Variants in MYO1H observed in about 807,000 individuals in gnomAD.
MYO1H encodes myosin IH, also known as unconventional myosin-Ih.
Under a neutral mutation model 149.3 loss-of-function variants are expected in MYO1H, and 118 were observed. That is an observed-to-expected ratio of 0.79 (90% CI 0.68 to 0.92). MYO1H has a LOEUF of 0.92. MYO1H is among the 40% of genes least tolerant of loss of function. MYO1H has a pLI of 0.00. For missense variants in MYO1H, 1,212 were observed against 1,280.7 expected (o/e 0.95, Z 0.82); for synonymous variants, 447 against 465.2 (o/e 0.96, Z 0.50).
chr12:109,383,733 G>A (rs768903018), intron 1 of MYO1H, among the ~76,000 whole-genome samples: 1 of 152,224 alleles, frequency 6.6e-6, no homozygotes, highest in Non-Finnish European at 1.5e-5. Flanking sequence ...AAGGGAGTTT[G>A]TAAATGTGGG....
the MYO1H span, among the ~76,000 whole-genome samples, chr12:109,311,254 C>T: frequency 6.6e-6 from 1 of 152,136 alleles, no homozygotes; most frequent in East Asian, 1.9e-4. Flanking sequence ...AAGCAAGAAT[C>T]CTTCACTAAA....
intron 1 of MYO1H, among the ~76,000 whole-genome samples, chr12:109,348,238 G>T (rs993145116): frequency 6.6e-6 from 1 of 152,322 alleles, no homozygotes; most frequent in Non-Finnish European, 1.5e-5. Context: ...CTAGAACAGC[G>T]TGCTGTGCAA....
chr12:109,421,904 C>T (rs1418667873), intron 16 of MYO1H, among the ~76,000 whole-genome samples: 1 of 152,186 alleles, frequency 6.6e-6, no homozygotes, highest in African/African-American at 2.4e-5. Context: ...TTGCCCACTG[C>T]AGCCTCAGCC....
intron 31 of MYO1H, 98 bp downstream of exon 31, chr12:109,445,710 A>AGCT: frequency 1.4e-6 from 2 of 1,452,634 alleles, no homozygotes; most frequent in Non-Finnish European, 1.8e-6. Context: ...TGGAATCATA[A>AGCT]GCTATTAATA....
At chr12:109,334,346 G>T in the MYO1H span, among the ~76,000 whole-genome samples, 1 of 151,974 alleles carries the variant, frequency 6.6e-6, no homozygotes, top group African/African-American at 2.4e-5. Context: ...TTATTTACAT[G>T]TTGGTTGGTT....
chr12:109,314,774 C>T, the MYO1H span, among the ~76,000 whole-genome samples: 5 of 152,270 alleles, frequency 3.3e-5, no homozygotes, highest in East Asian at 9.7e-4. Flanking sequence ...AAAGGCGCTT[C>T]TCCTTGTTCT....
the MYO1H span, among the ~76,000 whole-genome samples, chr12:109,322,757 T>G: frequency 1.4e-5 from 2 of 144,478 alleles, no homozygotes; most frequent in Admixed American, 7.1e-5. Context: ...GAGGCGGAGG[T>G]TCTAGTGAGC....
chr12:109,349,077 A>G (rs1868399342), intron 1 of MYO1H, among the ~76,000 whole-genome samples: 1 of 152,216 alleles, frequency 6.6e-6, no homozygotes, highest in African/African-American at 2.4e-5. Flanking sequence ...TCAAAGTGGT[A>G]ACTCTAGGAA....
chr12:109,375,790 C>A (rs1235668195), intron 1 of MYO1H, among the ~76,000 whole-genome samples: 2 of 152,002 alleles, frequency 1.3e-5, no homozygotes, highest in African/African-American at 2.4e-5. Context: ...CAAGCCTGGG[C>A]AATATGGCAA....
chr12:109,445,093 T>A (rs1256842511), intron 30 of MYO1H, among the ~76,000 whole-genome samples: 1 of 152,192 alleles, frequency 6.6e-6, no homozygotes, highest in Non-Finnish European at 1.5e-5. Context: ...CCTGGAGAGC[T>A]GTTTCTTTTC....
At chr12:109,402,653 G>T (rs1182876368) in intron 6 of MYO1H, among the ~76,000 whole-genome samples, 1 of 152,132 alleles carries the variant, frequency 6.6e-6, no homozygotes, top group Non-Finnish European at 1.5e-5. Flanking sequence ...ATAGTGAAAA[G>T]AAAGAATCTC....
intron 28 of MYO1H, among the ~76,000 whole-genome samples, 197 bp from the exon 29 acceptor site, chr12:109,444,016 G>A (rs1378461878): frequency 6.6e-6 from 1 of 152,140 alleles, no homozygotes; most frequent in African/African-American, 2.4e-5. Context: ...CAAGTACCCA[G>A]GTTGGGCAAT....
At chr12:109,439,432 T>C (rs1872012241) in intron 23 of MYO1H, 199 bp from the exon 24 acceptor site, 1 of 477,376 alleles carries the variant, frequency 2.1e-6, no homozygotes, top group Admixed American at 3.5e-5. Context: ...TGGCAGCTAA[T>C]TAAAGCTCCT....
the MYO1H span, among the ~76,000 whole-genome samples, chr12:109,313,474 C>A: frequency 6.6e-6 from 1 of 152,116 alleles, no homozygotes; most frequent in South Asian, 2.1e-4. Context: ...CATTGATCTC[C>A]GCTGCTGTTA....
intron 21 of MYO1H, among the ~76,000 whole-genome samples, chr12:109,436,255 G>T (rs1871852870): frequency 6.6e-6 from 1 of 152,068 alleles, no homozygotes; most frequent in Non-Finnish European, 1.5e-5. Flanking sequence ...TCCTTGCCCT[G>T]GGAAAAGGAA....
chr12:109,325,897 A>G, the MYO1H span, among the ~76,000 whole-genome samples: 2 of 152,242 alleles, frequency 1.3e-5, no homozygotes, highest in African/African-American at 4.8e-5. Flanking sequence ...CAGAATGTCT[A>G]TTATTAAAAA....
chr12:109,320,083 G>T, the MYO1H span, among the ~76,000 whole-genome samples: 5 of 152,142 alleles, frequency 3.3e-5, no homozygotes, highest in Admixed American at 6.5e-5. Context: ...GGAGACTGAG[G>T]TGGGAAGATC....
intron 1 of MYO1H, among the ~76,000 whole-genome samples, chr12:109,387,902 C>T (rs1255328133): frequency 1.3e-5 from 2 of 152,206 alleles, no homozygotes; most frequent in East Asian, 1.9e-4. Context: ...CATCCAGCAG[C>T]GCGGGTGCTC....
chr12:109,444,863 G>C (rs1216714349), intron 30 of MYO1H, among the ~76,000 whole-genome samples: 2 of 141,836 alleles, frequency 1.4e-5, no homozygotes, highest in Non-Finnish European at 3.1e-5. Context: ...GATAGACAAT[G>C]TCTCAAAAAA....
Sources: gnomAD v4.1 joint callset for allele counts (sites outside exome capture counted in the v4.1 genomes callset) on GRCh38, gnomAD v4.1.1 for gene constraint, MANE v1.5 for transcripts, NCBI Gene and HGNC (gene_info 2026-07-23, HGNC 2026-07-21) for gene names.